RP2: variants seen among roughly 807,000 people sequenced by gnomAD.
The protein encoded by RP2 is RP2 activator of ARL3 GTPase.
A neutral mutation model predicts 20.3 loss-of-function variants in RP2; 3 were observed. The ratio of observed to expected loss-of-function variants is 0.15; its 90% CI spans 0.07 to 0.38. The LOEUF is 0.38. Among genes scored for constraint, RP2 ranks in the 10% least tolerant of loss-of-function variants. The probability of loss-of-function intolerance (pLI) is 1.00; values close to 1 mark genes in which losing one functional copy is unlikely to be tolerated. For synonymous variants in RP2, 75 were observed against 94.8 expected, an observed-to-expected ratio of 0.79 and a Z score of 1.22; for missense variants, 233 against 268.5, an observed-to-expected ratio of 0.87 and a Z score of 0.92.
intron 1 of RP2, among the ~76,000 whole-genome samples, chrX:46,848,429 C>T (rs1924796558): frequency 9.7e-6 from 1 of 102,952 alleles, no homozygotes; most frequent in Admixed American, 1.0e-4. Context: ...TTGTCTTCCA[C>T]GCTGCAGTGC....
chrX:46,849,845 G>T (rs1924829350), intron 1 of RP2, among the ~76,000 whole-genome samples: 1 of 111,531 alleles, frequency 9.0e-6, no homozygotes, highest in Admixed American at 9.6e-5. Context: ...CCTACACATG[G>T]CTGTATTTGG....
intron 1 of RP2, among the ~76,000 whole-genome samples, chrX:46,844,513 C>T (rs1263536326): frequency 9.0e-6 from 1 of 111,139 alleles, no homozygotes; most frequent in Non-Finnish European, 1.9e-5. Context: ...TGAACTCATT[C>T]TTTTTTATGG....
chrX:46,865,853 G>A (rs1480331445), intron 3 of RP2, among the ~76,000 whole-genome samples: 1 of 110,210 alleles, frequency 9.1e-6, no homozygotes, highest in Non-Finnish European at 1.9e-5. Flanking sequence ...ACTTGAACCT[G>A]GGAGGCGGAG....
chrX:46,852,652 G>A (rs782812399), intron 1 of RP2, among the ~76,000 whole-genome samples: 10 of 110,657 alleles, frequency 9.0e-5, no homozygotes, highest in African/African-American at 2.6e-4. Context: ...GTGCGATCTC[G>A]GCTCACTGCA....
chrX:46,855,207 CAT>C (rs1174711395), intron 2 of RP2, among the ~76,000 whole-genome samples: 8 of 110,281 alleles, frequency 7.3e-5, no homozygotes, highest in African/African-American at 2.6e-4. Flanking sequence ...TGGCAAAGCT[CAT>C]AGGCTCATGA....
In RP2 at chrX:46,881,190, A is replaced by G. The variant is rs1179030761; in HGVS notation, c.*1421A>G. 1 of 111,652 alleles carries G rather than the reference A, an allele frequency of 9.0e-6. No homozygotes were observed. Among genetic ancestry groups the G allele is most frequent in the East Asian group, 2.8e-4 (1 of 3,598 alleles). 9.2% of individuals were successfully genotyped at this position (111,652 alleles called of 1,213,427 possible). ...GTTAAGGTGCAGAAATAATACATTAAAAGATTTTCACTTTAAATTAATTAG... is the reference window on the plus strand; with the variant it reads ...GTTAAGGTGCAGAAATAATACATTAGAAGATTTTCACTTTAAATTAATTAG... On this transcript the variant is annotated 3_prime_UTR_variant, in exon 5 of 5. Coordinates refer to ENST00000218340, the MANE Select transcript of RP2 (RefSeq NM_006915.3).
chrX:46,854,043 T>G lies in RP2; in HGVS notation c.670T>G (p.Ser224Ala), dbSNP rs1169607335. ...AGCCAATAGAAGCATTGTTCCAATA[T>G]CCCGGGGTCAGAGACAGAAGAGCAG... The part of the protein sequence containing the change: ...TEANRSIVPI[S>A]RGQRQKSSDE... The change falls in exon 2 of 5, where the codon TCC becomes GCC. Residue 224 changes from serine to alanine, a missense_variant. This residue lies in a region of RP2 where 118 missense variants were observed against 123.8 expected (regional missense o/e 0.95). Transcript: ENST00000218340. The G allele has an allele frequency of 4.1e-6, 5 of 1,209,835 alleles. No individual in the cohort carries two copies. In the African/African-American group the frequency reaches 7.0e-5, roughly 17 times the overall value.
At position 46,854,149 on chromosome X, in the gene RP2, G is replaced by T; in HGVS notation, c.768+8G>T. The T allele has an allele frequency of 8.3e-7, 1 of 1,197,987 alleles. No homozygotes were observed. Among genetic ancestry groups the T allele is most frequent in the Non-Finnish European group, 1.1e-6 (1 of 883,939 alleles). On this transcript the variant is annotated splice_region_variant and intron_variant, in intron 2 of 4. Transcript: ENST00000218340. ...AGAAAACTAATTGATGAGGTAAGGA[G>T]AAAGAGAAGAGAAATAGTCATACAC...
intron 2 of RP2, among the ~76,000 whole-genome samples, chrX:46,858,956 GT>G (rs1281597609): frequency 1.8e-5 from 2 of 111,363 alleles, no homozygotes; most frequent in African/African-American, 6.5e-5. Flanking sequence ...GATTAACTAG[GT>G]TTGAATCACA....
chrX:46,847,214 T>C (rs782771016), intron 1 of RP2, among the ~76,000 whole-genome samples: 31 of 111,563 alleles, frequency 2.8e-4, no homozygotes, highest in Admixed American at 4.8e-4. Context: ...TTTTATTGGG[T>C]TATTTGTTTT....
At chrX:46,872,240 T>C (rs1925304996) in intron 3 of RP2, among the ~76,000 whole-genome samples, 1 of 112,669 alleles carries the variant, frequency 8.9e-6, no homozygotes, top group Admixed American at 9.4e-5. Flanking sequence ...TTGTAGCTTA[T>C]CAAGGCTGTA....
intron 1 of RP2, among the ~76,000 whole-genome samples, chrX:46,847,756 A>ATATACACACATATGTGTGTGTGTG (rs1924757675): frequency 2.3e-5 from 2 of 86,111 alleles, no homozygotes; most frequent in Non-Finnish European, 4.5e-5. Flanking sequence ...GTGTGTGTGT[A>ATATACACACATATGTGTGTGTGTG]TATACACACA....
In RP2 at chrX:46,868,860, C is replaced by T. The variant is rs782541555; in HGVS notation, c.884-8645C>T. On this transcript the variant is annotated intron_variant, in intron 3 of 4. Coordinates refer to ENST00000218340, the MANE Select transcript of RP2 (RefSeq NM_006915.3). Reference sequence around the variant, plus strand: ...CCTGTAGTCCCAGCACTTAGGGAGGCTGAGGCAGGTGGATCACTTGAGCCC... The same window carrying T: ...CCTGTAGTCCCAGCACTTAGGGAGGTTGAGGCAGGTGGATCACTTGAGCCC... Among the ~76,000 whole-genome samples the T allele has an allele frequency of 9.1e-5, 10 of 109,728 alleles. No individual in the cohort carries two copies. The East Asian group carries it at 2.8e-3, about 31-fold the overall frequency.
At chrX:46,861,893 A>T (rs1485320844) in intron 3 of RP2, among the ~76,000 whole-genome samples, 1 of 111,903 alleles carries the variant, frequency 8.9e-6, no homozygotes, top group Non-Finnish European at 1.9e-5. Flanking sequence ...CTATGCATCC[A>T]TATTGTTAAA....
rs1924516409 is a variant in RP2 at position 46,837,050 on chromosome X, A to G, written c.-51A>G. On this transcript the variant is annotated 5_prime_UTR_variant, in exon 1 of 5. Coordinates refer to ENST00000218340, the MANE Select transcript of RP2 (RefSeq NM_006915.3). The stretch of plus-strand genomic sequence containing the variant: ...GTTCCCAGGGTTCACGCCACACTCT[A>G]GGAAGTGCCTGAGCTAGTGAGCTGG... The G allele has an allele frequency of 8.9e-7, 1 of 1,119,932 alleles. No homozygotes were observed. The highest frequency in any genetic ancestry group is 2.6e-5 in the Admixed American group (1 of 38,510). The allele number at this position is 1,119,932 out of a possible 1,213,427, so 92.3% of individuals were successfully genotyped here.
At chrX:46,873,038 C>T (rs1433887572) in intron 3 of RP2, among the ~76,000 whole-genome samples, 1 of 111,551 alleles carries the variant, frequency 9.0e-6, no homozygotes, top group Non-Finnish European at 1.9e-5. Context: ...TGTGCCTGGC[C>T]TGAACCGTCA....
chrX:46,845,857 G>A (rs1185684260), intron 1 of RP2, among the ~76,000 whole-genome samples: 1 of 110,384 alleles, frequency 9.1e-6, no homozygotes, highest in Non-Finnish European at 1.9e-5. Context: ...TCAGCCTCCG[G>A]GGCTCAAGTG....
At chrX:46,849,641 A>G (rs185727973) in intron 1 of RP2, among the ~76,000 whole-genome samples, 3 of 112,143 alleles carry the variant, frequency 2.7e-5, no homozygotes, top group South Asian at 7.4e-4. Flanking sequence ...CGTGCTGACA[A>G]TCCAACTAAT....
chrX:46,859,484 A>G (rs1211267140), intron 2 of RP2, among the ~76,000 whole-genome samples: 1 of 103,315 alleles, frequency 9.7e-6, no homozygotes, highest in Non-Finnish European at 2.0e-5. Context: ...GTGACACCCT[A>G]TCTCAAAAAA....
Sources: allele counts gnomAD v4.1 joint callset (sites outside exome capture counted in the v4.1 genomes callset), GRCh38; gene constraint gnomAD v4.1.1; regional missense constraint gnomAD v4.1.1; transcripts MANE v1.5; gene names NCBI Gene and HGNC (gene_info 2026-07-23, HGNC 2026-07-21).